The following KCNIP1 variants were observed in gnomAD, a reference collection of about 807,000 sequenced individuals.
The protein encoded by KCNIP1 is potassium voltage-gated channel interacting protein 1.
Under a neutral mutation model 33.0 loss-of-function variants are expected in KCNIP1, and 18 were observed. That is an observed-to-expected ratio of 0.55 (90% CI 0.38 to 0.81). The LOEUF is 0.81. Ranked by LOEUF, KCNIP1 falls within the 30% of genes least tolerant of loss-of-function variation. The pLI is 0.00. For missense variants in KCNIP1, 238 were observed against 271.6 expected (o/e 0.88, Z 0.87); for synonymous variants, 93 against 98.3 (o/e 0.95, Z 0.32).
intron 1 of KCNIP1, among the ~76,000 whole-genome samples, chr5:170,534,471 AAGGAGGAGGAGG>A (rs34048947): frequency 4.0e-5 from 6 of 149,436 alleles, no homozygotes; most frequent in South Asian, 2.2e-4. Flanking sequence ...GGAGAGGGAG[AAGGAGGAGGAGG>A]AGGAGGAGGA....
intron 1 of KCNIP1, among the ~76,000 whole-genome samples, chr5:170,634,332 C>G (rs1052385185): frequency 2.6e-5 from 4 of 152,154 alleles, no homozygotes; most frequent in African/African-American, 9.7e-5. Context: ...CTTGTTAAAC[C>G]GGATGGATGG....
chr5:170,674,493 G>A (rs529821022), intron 1 of KCNIP1, among the ~76,000 whole-genome samples: 5 of 152,260 alleles, frequency 3.3e-5, no homozygotes, highest in Admixed American at 1.3e-4. Flanking sequence ...CCTCCCTGCC[G>A]GGAGGCATCG....
intron 1 of KCNIP1, among the ~76,000 whole-genome samples, chr5:170,705,654 C>T (rs1008401255): frequency 9.9e-5 from 15 of 152,170 alleles, no homozygotes; most frequent in Non-Finnish European, 1.9e-4. Flanking sequence ...TAACATAAAA[C>T]GATCATATTT....
intron 1 of KCNIP1, among the ~76,000 whole-genome samples, chr5:170,707,416 A>C (rs936675885): frequency 1.3e-5 from 2 of 152,208 alleles, no homozygotes; most frequent in African/African-American, 4.8e-5. Context: ...TAGTGCTGGA[A>C]TCTAGATAAT....
chr5:170,432,813 A>G (rs12519146), intron 1 of KCNIP1, among the ~76,000 whole-genome samples: 114,507 of 152,140 alleles, frequency 0.75, 43,655 homozygotes, highest in African/African-American at 0.88. Flanking sequence ...TTACAGATGC[A>G]TAAACTGTCT....
At chr5:170,494,246 A>C (rs1013376484) in intron 1 of KCNIP1, among the ~76,000 whole-genome samples, 2 of 152,228 alleles carry the variant, frequency 1.3e-5, no homozygotes, top group African/African-American at 4.8e-5. Flanking sequence ...TGGATCATGC[A>C]AATGCCAGCC....
chr5:170,405,469 G>C (rs1474860251), intron 1 of KCNIP1, among the ~76,000 whole-genome samples: 1 of 152,218 alleles, frequency 6.6e-6, no homozygotes. Flanking sequence ...CTCCCAAAGT[G>C]CTGGGATTAT....
chr5:170,611,924 T>G (rs1228237695), intron 1 of KCNIP1, among the ~76,000 whole-genome samples: 2 of 152,226 alleles, frequency 1.3e-5, no homozygotes, highest in East Asian at 3.8e-4. Flanking sequence ...ATATATTAAC[T>G]GAACACGAGC....
chr5:170,445,971 G>A (rs1034938166), intron 1 of KCNIP1, among the ~76,000 whole-genome samples: 2 of 152,192 alleles, frequency 1.3e-5, no homozygotes, highest in Admixed American at 1.3e-4. Context: ...AAGGGAAATT[G>A]CCACATGGCT....
intron 1 of KCNIP1, among the ~76,000 whole-genome samples, chr5:170,597,480 G>T (rs564258969): frequency 6.6e-6 from 1 of 151,678 alleles, no homozygotes; most frequent in Non-Finnish European, 1.5e-5. Flanking sequence ...ACCCACCCCC[G>T]CACACACATA....
At chr5:170,652,438 T>C (rs1167654448) in intron 1 of KCNIP1, among the ~76,000 whole-genome samples, 1 of 138,350 alleles carries the variant, frequency 7.2e-6, no homozygotes, top group Non-Finnish European at 1.5e-5. Flanking sequence ...TGAGCCCAGA[T>C]TGAACCACTG....
chr5:170,455,778 C>T (rs1238516124), intron 1 of KCNIP1, among the ~76,000 whole-genome samples: 4 of 152,152 alleles, frequency 2.6e-5, no homozygotes, highest in African/African-American at 4.8e-5. Flanking sequence ...AAAATTTATG[C>T]AATATAGCTA....
intron 1 of KCNIP1, chr5:170,374,935 C>T (rs997309521): frequency 6.6e-6 from 1 of 152,138 alleles, no homozygotes; most frequent in Non-Finnish European, 1.5e-5. Context: ...GGGGGTTAGG[C>T]ATCCTCACAT....
At chr5:170,532,111 G>C (rs1755809747) in intron 1 of KCNIP1, among the ~76,000 whole-genome samples, 1 of 152,168 alleles carries the variant, frequency 6.6e-6, no homozygotes, top group African/African-American at 2.4e-5. Flanking sequence ...TTTGTTCCAG[G>C]ATTTAAGCTG....
chr5:170,417,587 C>G (rs964832401), intron 1 of KCNIP1, among the ~76,000 whole-genome samples: 1 of 152,212 alleles, frequency 6.6e-6, no homozygotes, highest in Non-Finnish European at 1.5e-5. Flanking sequence ...GCATCTGACC[C>G]TGCAAAACCC....
chr5:170,394,314 C>T (rs893970289), intron 1 of KCNIP1, among the ~76,000 whole-genome samples: 6 of 152,208 alleles, frequency 3.9e-5, no homozygotes, highest in African/African-American at 7.2e-5. Flanking sequence ...TGTAATTTAA[C>T]ATTTATTCAT....
chr5:170,483,578 G>T (rs978413207), intron 1 of KCNIP1, among the ~76,000 whole-genome samples: 1 of 152,130 alleles, frequency 6.6e-6, no homozygotes, highest in Non-Finnish European at 1.5e-5. Flanking sequence ...AGATGGTTGG[G>T]ACAACTCTAC....
At chr5:170,733,056 T>C (rs547313408) in intron 6 of KCNIP1, 152 bp downstream of exon 6, 1 of 571,326 alleles carries the variant, frequency 1.8e-6, no homozygotes, top group Non-Finnish European at 3.2e-6. Flanking sequence ...AAGAAACAGA[T>C]GATCTCCTTA....
chr5:170,408,515 G>A (rs1755096309), intron 1 of KCNIP1, among the ~76,000 whole-genome samples: 1 of 152,164 alleles, frequency 6.6e-6, no homozygotes, highest in Non-Finnish European at 1.5e-5. Flanking sequence ...ACTAGGAGGG[G>A]GAAAAACACC....
Sources: gnomAD v4.1 joint callset for allele counts (sites outside exome capture counted in the v4.1 genomes callset) on GRCh38, gnomAD v4.1.1 for gene constraint, MANE v1.5 for transcripts, NCBI Gene and HGNC (gene_info 2026-07-23, HGNC 2026-07-21) for gene names.